The following FAM114A1 variants were observed in gnomAD, a reference collection of about 807,000 sequenced individuals.
The protein encoded by FAM114A1 is family with sequence similarity 114 member A1, also known as protein NOXP20.
Under a neutral mutation model 64.3 loss-of-function variants are expected in FAM114A1, and 62 were observed. The ratio of observed to expected loss-of-function variants is 0.96; its 90% CI spans 0.79 to 1.19. The LOEUF (loss-of-function observed/expected upper bound fraction) is 1.19. Among genes scored for constraint, FAM114A1 ranks in the 50% most tolerant of loss-of-function variants. The probability of loss-of-function intolerance (pLI) is 0.00; values close to 1 mark genes in which losing one functional copy is unlikely to be tolerated. For synonymous variants in FAM114A1, 254 were observed against 251.1 expected (o/e 1.01, Z -0.11); for missense variants, 645 against 676.3 (o/e 0.95, Z 0.51).
At chr4:38,925,265 TA>T (rs1719999201) in intron 9 of FAM114A1, among the ~76,000 whole-genome samples, 1 of 152,264 alleles carries the variant, frequency 6.6e-6, no homozygotes, top group East Asian at 1.9e-4. Flanking sequence ...CTGTTAATGT[TA>T]ATTAACTTAA....
chr4:38,869,054 A>G (rs1049675883), intron 2 of FAM114A1, among the ~76,000 whole-genome samples: 6 of 152,218 alleles, frequency 3.9e-5, no homozygotes, highest in African/African-American at 1.4e-4. Context: ...TGTTTATTTG[A>G]CCAGGCTTAC....
rs140751370 is a variant in FAM114A1 at position 38,918,707 on chromosome 4, C to G, written c.945+3634C>G. On this transcript the variant is annotated intron_variant, in intron 8 of 14. Transcript: ENST00000358869. ...GGCACGGTGGCTCACACCTGTAATC[C>G]CAACACTTTGGGAGGCTGAGGCGGG... Among the ~76,000 whole-genome samples, 1,303 of 152,274 alleles carry G rather than the reference C, an allele frequency of 8.6e-3. 12 individuals carry two copies. Among genetic ancestry groups the G allele is most frequent in the African/African-American group, 0.029 (1,224 of 41,542 alleles).
chr4:38,869,579 G>C (rs539509443), intron 2 of FAM114A1, among the ~76,000 whole-genome samples: 1 of 152,194 alleles, frequency 6.6e-6, no homozygotes, highest in Non-Finnish European at 1.5e-5. Context: ...ATGCCTGGCA[G>C]CCTCACAGAG....
intron 14 of FAM114A1, among the ~76,000 whole-genome samples, chr4:38,943,148 G>A (rs572849555): frequency 4.7e-5 from 7 of 148,104 alleles, no homozygotes; most frequent in African/African-American, 1.5e-4. Context: ...AGCCAAGATC[G>A]TGCCTCTGCA....
rs141930625 is a variant in FAM114A1 at position 38,897,861 on chromosome 4, G to A, written c.436+6031G>A. 2.7e-3 allele frequency among the ~76,000 whole-genome samples: 407 copies of A among 151,518 alleles called. 2 individuals are homozygous for A. Among genetic ancestry groups the A allele is most frequent in the African/African-American group, 9.5e-3 (394 of 41,268 alleles). ...GCTTGGAGGCTGCGACAGAAGAATCGCTTGAGCCTGGGAGATGGAGGTTGC... is the reference window on the plus strand; with the variant it reads ...GCTTGGAGGCTGCGACAGAAGAATCACTTGAGCCTGGGAGATGGAGGTTGC... On this transcript the variant is annotated intron_variant, in intron 4 of 14. Coordinates refer to ENST00000358869, the MANE Select transcript of FAM114A1 (RefSeq NM_138389.4).
intron 3 of FAM114A1, among the ~76,000 whole-genome samples, chr4:38,891,412 C>G (rs576049714): frequency 3.3e-4 from 51 of 152,322 alleles, no homozygotes; most frequent in African/African-American, 1.2e-3. Flanking sequence ...TCAAATCCCT[C>G]TTGTGCCCTC....
chr4:38,876,605 A>C (rs1456969710), intron 2 of FAM114A1, among the ~76,000 whole-genome samples: 3 of 152,220 alleles, frequency 2.0e-5, no homozygotes, highest in Non-Finnish European at 4.4e-5. Flanking sequence ...AGGAAAGTTT[A>C]AAGATAGCCC....
At chr4:38,901,572 A>G (rs147773771) in intron 4 of FAM114A1, among the ~76,000 whole-genome samples, 2,403 of 152,296 alleles carry the variant, frequency 0.016, 78 homozygotes, top group African/African-American at 0.054. Flanking sequence ...GATTACAGGC[A>G]TGAGCCACCA....
chr4:38,891,115 C>A (rs971440864), intron 3 of FAM114A1, among the ~76,000 whole-genome samples: 2 of 152,198 alleles, frequency 1.3e-5, no homozygotes, highest in Non-Finnish European at 2.9e-5. Flanking sequence ...AAAACCTAGG[C>A]AAACGAATTG....
At chr4:38,933,862 C>T (rs1720866034) in intron 12 of FAM114A1, among the ~76,000 whole-genome samples, 1 of 152,198 alleles carries the variant, frequency 6.6e-6, no homozygotes, top group Non-Finnish European at 1.5e-5. Context: ...TTGCTTATTA[C>T]TGCTTTGACA....
Position 38,945,623 on chromosome 4 carries a change from A to G in FAM114A1, c.*2066A>G, listed in dbSNP as rs760851491. 2 of 152,238 alleles carry G rather than the reference A, an allele frequency of 1.3e-5. No homozygotes were observed. Among genetic ancestry groups the G allele is most frequent in the Admixed American group, 1.3e-4 (2 of 15,280 alleles). The allele number at this position is 152,238 out of a possible 1,614,324, so 9.4% of individuals were successfully genotyped here. ...CTTCTTATTAGCATTTCATTTGTCT[A>G]TGTACTGTATTTCATTTGTATGTCT... On this transcript the variant is annotated 3_prime_UTR_variant, in exon 15 of 15. Transcript: ENST00000358869.
At chr4:38,939,683 T>C (rs1721431800) in intron 13 of FAM114A1, among the ~76,000 whole-genome samples, 1 of 152,068 alleles carries the variant, frequency 6.6e-6, no homozygotes, top group Non-Finnish European at 1.5e-5. Flanking sequence ...ATATATTTAA[T>C]TTATGTATTT....
intron 3 of FAM114A1, among the ~76,000 whole-genome samples, chr4:38,888,864 G>A (rs1280272950): frequency 6.6e-6 from 1 of 152,166 alleles, no homozygotes; most frequent in African/African-American, 2.4e-5. Context: ...CTAATTGTGT[G>A]ACATTAAGTC....
At position 38,929,411 on chromosome 4, in the gene FAM114A1, A is replaced by G. The variant is rs1048451493; in HGVS notation, c.1161+78A>G. 8 of 1,099,688 alleles carry G rather than the reference A, an allele frequency of 7.3e-6. No individual in the cohort carries two copies. The African/African-American group carries it at 9.4e-5, about 13-fold the overall frequency. The allele number at this position is 1,099,688 out of a possible 1,614,324, so 68.1% of individuals were successfully genotyped here. ...GAGTCTCTGTTGTAAAGTTCCAGAGATGCACCTGAAATGGAAAACCCCCAA... is the reference window on the plus strand; with the variant it reads ...GAGTCTCTGTTGTAAAGTTCCAGAGGTGCACCTGAAATGGAAAACCCCCAA... On this transcript the variant is annotated intron_variant, in intron 10 of 14. Transcript: ENST00000358869.
chr4:38,908,490 G>T, intron 6 of FAM114A1, 102 bp from the exon 7 acceptor site: 1 of 1,169,058 alleles, frequency 8.6e-7, no homozygotes, highest in South Asian at 2.0e-5. Flanking sequence ...ACTTTATATT[G>T]ATTTTAATAT....
intron 7 of FAM114A1, 148 bp from the exon 8 acceptor site, chr4:38,914,772 CA>C (rs1718874674): frequency 1.7e-5 from 14 of 843,680 alleles, no homozygotes; most frequent in South Asian, 4.6e-5. Flanking sequence ...TAGGATCAAT[CA>C]AAAAAATCAT....
chr4:38,878,415 C>A lies in FAM114A1; in HGVS notation c.337C>A (p.Gln113Lys). ...EPRSEIPLQE[Q>K]NYLAVDSPPS... is the part of the protein sequence containing the mutation. ...CAGATCCGAAATACCCCTGCAAGAACAGAATTATCTGGTAAGAATGGGTCA... is the reference window on the plus strand; with the variant it reads ...CAGATCCGAAATACCCCTGCAAGAAAAGAATTATCTGGTAAGAATGGGTCA... The change falls in exon 3 of 15, where the codon CAG (glutamine) becomes AAG (lysine). Residue 113 changes from glutamine (Q) to lysine (K), a missense_variant. Gln to Lys is a moderately conservative substitution (Grantham distance 53). Coordinates refer to ENST00000358869, the MANE Select transcript of FAM114A1 (RefSeq NM_138389.4). 6.3e-7 allele frequency: 1 copy of A among 1,590,338 alleles called. No homozygotes were observed. The highest frequency in any genetic ancestry group is 1.1e-5 in the South Asian group (1 of 87,242).
chr4:38,938,064 A>G (rs546498026), intron 13 of FAM114A1, among the ~76,000 whole-genome samples: 28 of 152,162 alleles, frequency 1.8e-4, no homozygotes, highest in Non-Finnish European at 2.9e-4. Context: ...ATGTGCTGCT[A>G]TTAATGTGAC....
intron 7 of FAM114A1, among the ~76,000 whole-genome samples, chr4:38,912,260 G>T (rs1374618146): frequency 6.6e-6 from 1 of 152,056 alleles, no homozygotes; most frequent in Non-Finnish European, 1.5e-5. Flanking sequence ...ATTCTTCCAG[G>T]CCAGGATCAT....
Sources: allele counts gnomAD v4.1 joint callset (sites outside exome capture counted in the v4.1 genomes callset), GRCh38; gene constraint gnomAD v4.1.1; transcripts MANE v1.5; gene names NCBI Gene and HGNC (gene_info 2026-07-23, HGNC 2026-07-21).